DOCK3: variants seen among roughly 807,000 people sequenced by gnomAD.
The protein encoded by DOCK3 is dedicator of cytokinesis protein 3.
A neutral mutation model predicts 265.6 loss-of-function variants in DOCK3; 60 were observed. The ratio of observed to expected loss-of-function variants is 0.23; its 90% CI spans 0.18 to 0.28. The LOEUF (loss-of-function observed/expected upper bound fraction) is 0.28, where lower values mean the gene tolerates loss of function less well. Ranked by LOEUF, DOCK3 falls within the 10% of genes least tolerant of loss-of-function variation. The pLI is 1.00. For synonymous variants in DOCK3, 881 were observed against 938.0 expected (o/e 0.94, Z 1.11); for missense variants, 1,981 against 2,594.3 (o/e 0.76, Z 5.14).
At chr3:51,134,151 A>C (rs1443276944) in intron 9 of DOCK3, among the ~76,000 whole-genome samples, 1 of 152,092 alleles carries the variant, frequency 6.6e-6, no homozygotes, top group Non-Finnish European at 1.5e-5. Flanking sequence ...TGGTGTGTAT[A>C]TACCACATTT....
chr3:51,131,692 T>C (rs1274724003), intron 9 of DOCK3, among the ~76,000 whole-genome samples: 1 of 152,204 alleles, frequency 6.6e-6, no homozygotes, highest in African/African-American at 2.4e-5. Flanking sequence ...GCCAGAGCTC[T>C]ACATGAGTCA....
chr3:50,955,194 G>A (rs1180521153), intron 5 of DOCK3, among the ~76,000 whole-genome samples: 1 of 152,172 alleles, frequency 6.6e-6, no homozygotes, highest in Non-Finnish European at 1.5e-5. Context: ...ACAGATGCTG[G>A]CAAGGTTGTG....
intron 19 of DOCK3, among the ~76,000 whole-genome samples, chr3:51,232,315 G>A (rs757950033): frequency 3.3e-5 from 5 of 152,114 alleles, no homozygotes; most frequent in African/African-American, 4.8e-5. Flanking sequence ...TTGCAGATGC[G>A]AATTGTGCTG....
At chr3:51,214,390 G>T (rs1458593314) in intron 14 of DOCK3, 143 bp downstream of exon 14, 1 of 1,195,564 alleles carries the variant, frequency 8.4e-7, no homozygotes, top group Non-Finnish European at 1.1e-6. Flanking sequence ...GCTGCTTACT[G>T]CAGTCTGCAG....
chr3:50,794,766 T>C (rs146531699), intron 2 of DOCK3, among the ~76,000 whole-genome samples: 1 of 152,012 alleles, frequency 6.6e-6, no homozygotes, highest in African/African-American at 2.4e-5. Flanking sequence ...TTTGATCTTG[T>C]CATCATGGTG....
chr3:51,295,439 C>A (rs1205329234), intron 27 of DOCK3, among the ~76,000 whole-genome samples: 1 of 152,134 alleles, frequency 6.6e-6, no homozygotes, highest in East Asian at 1.9e-4. Context: ...CCCTATGGCC[C>A]AAACACCTCC....
At chr3:51,049,706 A>G (rs929579206) in intron 5 of DOCK3, among the ~76,000 whole-genome samples, 2 of 152,144 alleles carry the variant, frequency 1.3e-5, no homozygotes, top group Admixed American at 6.5e-5. Context: ...GAAAAAGAAT[A>G]AAAGGCATTC....
At chr3:50,754,867 C>G (rs879809361) in intron 1 of DOCK3, among the ~76,000 whole-genome samples, 1 of 152,080 alleles carries the variant, frequency 6.6e-6, no homozygotes, top group Non-Finnish European at 1.5e-5. Context: ...CCCGTTTTCA[C>G]TTTTGACAAC....
At chr3:51,279,971 G>A in intron 26 of DOCK3, 135 bp from the exon 27 acceptor site, 1 of 687,504 alleles carries the variant, frequency 1.5e-6, no homozygotes, top group Non-Finnish European at 2.5e-6. Flanking sequence ...GCTTTAGAGG[G>A]CTAGATTTGT....
At chr3:51,030,761 C>A (rs145902902) in intron 5 of DOCK3, among the ~76,000 whole-genome samples, 34 of 152,304 alleles carry the variant, frequency 2.2e-4, no homozygotes, top group African/African-American at 7.5e-4. Flanking sequence ...AATCTTAGCC[C>A]CTCAAGTTTT....
At chr3:50,972,877 T>C (rs2077284069) in intron 5 of DOCK3, among the ~76,000 whole-genome samples, 1 of 113,000 alleles carries the variant, frequency 8.8e-6, no homozygotes, top group Admixed American at 8.7e-5. Flanking sequence ...TTGCTCAGGG[T>C]TGCTTTGGCT....
chr3:50,976,175 C>T, intron 5 of DOCK3, among the ~76,000 whole-genome samples: 1 of 112,154 alleles, frequency 8.9e-6, no homozygotes, highest in Non-Finnish European at 1.8e-5. Context: ...TATTTCTTGC[C>T]TTCTGCTAGC....
At chr3:50,759,640 C>G (rs7621650) in intron 1 of DOCK3, among the ~76,000 whole-genome samples, 112,280 of 148,742 alleles carry the variant, frequency 0.75, 43,564 homozygotes, top group Middle Eastern at 0.88. Context: ...GAGTTCAATA[C>G]CAGCCTGGGT....
Position 50,759,397 on chromosome 3 carries a change from A to G in DOCK3, c.38-19278A>G, listed in dbSNP as rs1250650050. The stretch of plus-strand genomic sequence containing the variant: ...TCTTTTTTATTTTTTCGTAATAGCC[A>G]TCCAAATGGGTATGAAGTGGCATCT... On this transcript the variant is annotated intron_variant, in intron 1 of 52. Transcript: ENST00000266037. 4.6e-5 allele frequency among the ~76,000 whole-genome samples: 7 copies of G among 152,112 alleles called. No individual in the cohort carries two copies. In the East Asian group the frequency reaches 1.3e-3, roughly 29 times the overall value.
chr3:51,254,876 T>G (rs2079460721), intron 22 of DOCK3, among the ~76,000 whole-genome samples: 2 of 152,226 alleles, frequency 1.3e-5, no homozygotes, highest in South Asian at 4.1e-4. Context: ...CATTTAAGGT[T>G]AATATAGTTA....
At chr3:50,768,805 T>A (rs560477951) in intron 1 of DOCK3, among the ~76,000 whole-genome samples, 2 of 152,304 alleles carry the variant, frequency 1.3e-5, no homozygotes, top group Admixed American at 1.3e-4. Context: ...GTATTTATAT[T>A]TTTTAAGTTT....
chr3:50,926,730 T>TA (rs1320488863), intron 4 of DOCK3, among the ~76,000 whole-genome samples: 2 of 152,158 alleles, frequency 1.3e-5, no homozygotes, highest in Non-Finnish European at 2.9e-5. Context: ...GTGGAGTTGG[T>TA]ACAGCATTAG....
intron 5 of DOCK3, among the ~76,000 whole-genome samples, chr3:50,972,223 G>A (rs1022860010): frequency 6.6e-6 from 1 of 152,212 alleles, no homozygotes; most frequent in African/African-American, 2.4e-5. Flanking sequence ...TGGGCCTGAT[G>A]GGCACACCAC....
intron 4 of DOCK3, among the ~76,000 whole-genome samples, chr3:50,898,832 T>G (rs745333899): frequency 1.7e-4 from 26 of 152,228 alleles, no homozygotes; most frequent in Non-Finnish European, 3.5e-4. Flanking sequence ...TTGATTGCAC[T>G]GTGGTCTGAG....
Sources: gnomAD v4.1 joint callset for allele counts (sites outside exome capture counted in the v4.1 genomes callset) on GRCh38, gnomAD v4.1.1 for gene constraint, MANE v1.5 for transcripts, NCBI Gene and HGNC (gene_info 2026-07-23, HGNC 2026-07-21) for gene names.